DPP6: variants seen among roughly 807,000 people sequenced by gnomAD.
The protein encoded by DPP6 is A-type potassium channel modulatory protein DPP6.
Under a neutral mutation model 122.6 loss-of-function variants are expected in DPP6, and 69 were observed. The observed-to-expected ratio is 0.56, with a 90% confidence interval of 0.46 to 0.69. The LOEUF is 0.69. DPP6 is among the 30% of genes least tolerant of loss of function. DPP6 has a pLI of 0.00. For synonymous variants in DPP6, 418 were observed against 433.1 expected (o/e 0.97, Z 0.43); for missense variants, 928 against 1,116.9 (o/e 0.83, Z 2.41).
chr7:154,867,639 C>A (rs750379293), intron 17 of DPP6, among the ~76,000 whole-genome samples: 1 of 152,150 alleles, frequency 6.6e-6, no homozygotes, highest in Non-Finnish European at 1.5e-5. Flanking sequence ...ACCATTTGTC[C>A]TAACAGATGT....
At chr7:153,880,910 G>A in the DPP6 span, among the ~76,000 whole-genome samples, 1 of 152,270 alleles carries the variant, frequency 6.6e-6, no homozygotes, top group Non-Finnish European at 1.5e-5. Context: ...GTCTACTCTG[G>A]CAAAGTGAAA....
At chr7:154,499,291 G>C (rs1035415772) in intron 3 of DPP6, among the ~76,000 whole-genome samples, 8 of 152,160 alleles carry the variant, frequency 5.3e-5, no homozygotes, top group African/African-American at 1.7e-4. Flanking sequence ...GGGCCCCCCT[G>C]CGGTACAAAG....
In DPP6 at chr7:154,772,911, G is replaced by A. The variant is rs1348392519; in HGVS notation, c.1105G>A (p.Glu369Lys). The change falls in exon 10 of 26, where the codon GAG becomes AAG. Residue 369 changes from glutamate (E) to lysine (K), a missense_variant. Physicochemically the swap from Glu to Lys is moderately conservative, Grantham distance 56 (BLOSUM62 1). Coordinates refer to ENST00000377770, the MANE Select transcript of DPP6 (RefSeq NM_130797.4). The stretch of plus-strand genomic sequence containing the variant: ...CTTAAATGGACCCACCCATGATCTG[G>A]AGATGATGCCGCCTGATGATCCACG... ...IGLNGPTHDL[E>K]MMPPDDPRMR... 7 of 1,611,006 alleles carry A rather than the reference G, an allele frequency of 4.3e-6. No homozygotes were observed. The highest frequency in any genetic ancestry group is 5.9e-6 in the Non-Finnish European group (7 of 1,178,690).
At chr7:154,015,689 C>G (rs1280867889) in intron 1 of DPP6, among the ~76,000 whole-genome samples, 1 of 152,158 alleles carries the variant, frequency 6.6e-6, no homozygotes, top group Non-Finnish European at 1.5e-5. Flanking sequence ...TCGATCCCAT[C>G]TCCAAAATAT....
chr7:154,848,089 T>C (rs573237921), intron 16 of DPP6, among the ~76,000 whole-genome samples: 2 of 152,344 alleles, frequency 1.3e-5, no homozygotes, highest in Non-Finnish European at 2.9e-5. Context: ...AGGTAGGCTG[T>C]CTCCATGTCT....
the DPP6 span, among the ~76,000 whole-genome samples, chr7:153,874,252 G>GCACACACACA: frequency 0.017 from 2,584 of 150,180 alleles, 29 homozygotes; most frequent in African/African-American, 0.037. Flanking sequence ...GTGCGCACAT[G>GCACACACACA]CACACACACA....
At chr7:153,856,958 T>C in the DPP6 span, among the ~76,000 whole-genome samples, 1 of 152,160 alleles carries the variant, frequency 6.6e-6, no homozygotes, top group East Asian at 1.9e-4. Flanking sequence ...TCACTGAAAA[T>C]GCCAGAATGT....
At chr7:154,463,398 G>A (rs13231131) in intron 2 of DPP6, among the ~76,000 whole-genome samples, 78,668 of 150,734 alleles carry the variant, frequency 0.52, 20,801 homozygotes, top group East Asian at 0.59. Flanking sequence ...TAGTAGAGAC[G>A]GGGTTTCACC....
chr7:154,662,988 T>A, intron 6 of DPP6, among the ~76,000 whole-genome samples: 1 of 46,954 alleles, frequency 2.1e-5, no homozygotes, highest in African/African-American at 6.1e-5. Context: ...ATCACCATGG[T>A]GTGTTGGCCC....
chr7:154,464,963 A>C (rs1054379790), intron 2 of DPP6, among the ~76,000 whole-genome samples: 6 of 152,220 alleles, frequency 3.9e-5, no homozygotes, highest in Non-Finnish European at 7.3e-5. Flanking sequence ...ATAAAATTTA[A>C]CTTATAAATT....
At chr7:153,842,570 A>G in the DPP6 span, among the ~76,000 whole-genome samples, 1 of 152,064 alleles carries the variant, frequency 6.6e-6, no homozygotes, top group African/African-American at 2.4e-5. Context: ...GTTTATCTTA[A>G]TTACCTCATA....
intron 1 of DPP6, among the ~76,000 whole-genome samples, chr7:154,360,414 A>G (rs544609954): frequency 1.3e-5 from 2 of 152,244 alleles, no homozygotes; most frequent in African/African-American, 4.8e-5. Flanking sequence ...ACTTATACTT[A>G]TAAACTATTT....
intron 10 of DPP6, among the ~76,000 whole-genome samples, chr7:154,783,305 C>T (rs1289529398): frequency 1.3e-5 from 2 of 152,168 alleles, no homozygotes; most frequent in African/African-American, 4.8e-5. Flanking sequence ...ATCAGGACAG[C>T]TCACACAGGA....
chr7:154,305,650 ATGTAT>A, intron 1 of DPP6: 3 of 1,480,262 alleles, frequency 2.0e-6, no homozygotes. Flanking sequence ...GAGGGAGGAT[ATGTAT>A]TTGGGGAAGA....
Position 154,225,586 on chromosome 7 carries a change from T to A in DPP6, c.243+172523T>A, listed in dbSNP as rs564677752. On this transcript the variant is annotated intron_variant, in intron 1 of 25. Coordinates refer to ENST00000377770, the MANE Select transcript of DPP6 (RefSeq NM_130797.4). The stretch of plus-strand genomic sequence containing the variant: ...AGAAAAAAAATGAGAAAAAAAAATC[T>A]CATTGGTTTGGGAGTCTACTCTGTG... 3.4e-4 allele frequency among the ~76,000 whole-genome samples: 51 copies of A among 152,176 alleles called. No homozygotes were observed. In the South Asian group the frequency reaches 1.0e-2, roughly 30 times the overall value.
intron 6 of DPP6, among the ~76,000 whole-genome samples, chr7:154,665,380 G>T (rs1026625095): frequency 5.3e-5 from 8 of 152,054 alleles, no homozygotes; most frequent in Non-Finnish European, 1.2e-4. Flanking sequence ...TATTCTATGG[G>T]TTAATCCAGT....
At chr7:154,289,296 C>A (rs1805053679) in intron 1 of DPP6, among the ~76,000 whole-genome samples, 1 of 152,164 alleles carries the variant, frequency 6.6e-6, no homozygotes, top group Non-Finnish European at 1.5e-5. Context: ...GCGTGGGATC[C>A]TTTGCAGGAT....
At chr7:154,566,008 G>A (rs74850797) in intron 4 of DPP6, among the ~76,000 whole-genome samples, 2,408 of 152,298 alleles carry the variant, frequency 0.016, 25 homozygotes, top group Non-Finnish European at 0.023. Context: ...ACAGTTGATG[G>A]TATCATTTAT....
intron 1 of DPP6, among the ~76,000 whole-genome samples, chr7:153,889,528 T>C (rs772436816): frequency 7.9e-5 from 12 of 152,252 alleles, no homozygotes; most frequent in Admixed American, 3.9e-4. Context: ...TTTCTACTTA[T>C]AACTTGCATG....
Sources: allele counts gnomAD v4.1 joint callset (sites outside exome capture counted in the v4.1 genomes callset), GRCh38; gene constraint gnomAD v4.1.1; transcripts MANE v1.5; gene names NCBI Gene and HGNC (gene_info 2026-07-23, HGNC 2026-07-21).